The following TACC2 variants were observed in gnomAD, a reference collection of about 807,000 sequenced individuals.
TACC2 encodes the protein transforming acidic coiled-coil-containing protein 2.
A neutral mutation model predicts 227.3 loss-of-function variants in TACC2; 137 were observed. That is an observed-to-expected ratio of 0.60 (90% CI 0.52 to 0.69). The LOEUF is 0.69. Among genes scored for constraint, TACC2 ranks in the 30% least tolerant of loss-of-function variants. The pLI, the probability that TACC2 is intolerant of heterozygous loss-of-function variation, is 0.00. For missense variants in TACC2, 3,470 were observed against 3,694.4 expected (o/e 0.94, Z 1.57); for synonymous variants, 1,523 against 1,487.5 (o/e 1.02, Z -0.55).
intron 3 of TACC2, among the ~76,000 whole-genome samples, chr10:122,070,614 G>C (rs536738910): frequency 6.6e-6 from 1 of 152,088 alleles, no homozygotes; most frequent in African/African-American, 2.4e-5. Context: ...TTAGCTGGGC[G>C]TGTTGGCACA....
In TACC2 at chr10:122,058,343, C is replaced by T. The variant is rs559044015; in HGVS notation, c.146+7793C>T. On this transcript the variant is annotated intron_variant, in intron 3 of 22. Transcript: ENST00000369005. ...TGCTTCCGGCTTCCGCTGCAAAGCG[C>T]GGAAGCGCTTCTGTCACTTCCCAGC... 5.9e-5 allele frequency among the ~76,000 whole-genome samples: 9 copies of T among 152,242 alleles called. No individual in the cohort carries two copies. The South Asian group carries it at 1.0e-3, about 18-fold the overall frequency.
intron 5 of TACC2, among the ~76,000 whole-genome samples, chr10:122,130,936 G>A (rs1343204697): frequency 6.6e-6 from 1 of 152,116 alleles, no homozygotes; most frequent in Non-Finnish European, 1.5e-5. Context: ...TGGGCCAAGA[G>A]TTCTCAGTTT....
chr10:122,163,656 G>C (rs1256598678), intron 7 of TACC2: 1 of 950,676 alleles, frequency 1.1e-6, no homozygotes, highest in East Asian at 7.9e-5. Context: ...GCACGCCCCG[G>C]GCAGAGCCGC....
intron 2 of TACC2, among the ~76,000 whole-genome samples, chr10:122,031,474 G>A (rs999251204): frequency 5.8e-5 from 8 of 138,572 alleles, no homozygotes; most frequent in African/African-American, 1.9e-4. Flanking sequence ...GCACAATCTC[G>A]GCTCACTGCA....
intron 8 of TACC2, among the ~76,000 whole-genome samples, chr10:122,196,033 C>A (rs79914577): frequency 1.3e-5 from 2 of 152,150 alleles, no homozygotes; most frequent in Non-Finnish European, 2.9e-5. Flanking sequence ...TACCTGGGAG[C>A]GGCCACTGCC....
At chr10:122,117,414 C>T (rs952509809) in intron 5 of TACC2, among the ~76,000 whole-genome samples, 7 of 152,180 alleles carry the variant, frequency 4.6e-5, no homozygotes, top group Non-Finnish European at 7.4e-5. Context: ...AGGCTGGTCT[C>T]GAACTCCTGC....
rs1286756429 is a variant in TACC2 at position 122,034,161 on chromosome 10, A to G, written c.33+12147A>G. Among the ~76,000 whole-genome samples the G allele has an allele frequency of 3.6e-5, 5 of 137,256 alleles. 1 individual carries two copies. The East Asian group carries it at 1.1e-3, about 29-fold the overall frequency. 90.0% of individuals were successfully genotyped at this position (137,256 alleles called of 152,430 possible). A position where few individuals can be genotyped will look rare whatever the true frequency, so the allele number is the denominator to read the frequency against. ...AGTGAGACTCTGTCTCAAAAAAAAA[A>G]AAAAAAAAAAAAGAGCTGCTCTGCC... is the stretch of plus-strand genomic sequence containing the variant. On this transcript the variant is annotated intron_variant, in intron 2 of 22. Transcript: ENST00000369005.
intron 5 of TACC2, among the ~76,000 whole-genome samples, chr10:122,125,143 C>T (rs1434976915): frequency 6.6e-6 from 1 of 152,140 alleles, no homozygotes; most frequent in African/African-American, 2.4e-5. Flanking sequence ...TGTCATGCCC[C>T]CAGACTCTCC....
chr10:122,023,853 C>T (rs1383110806), intron 2 of TACC2: 1 of 147,158 alleles, frequency 6.8e-6, no homozygotes, highest in Non-Finnish European at 1.5e-5. Flanking sequence ...TGTGAGACAA[C>T]AGGGACAGGC....
intron 1 of TACC2, among the ~76,000 whole-genome samples, chr10:122,008,479 C>T (rs755960918): frequency 1.3e-4 from 19 of 151,876 alleles, no homozygotes; most frequent in Non-Finnish European, 2.4e-4. Context: ...AGGCTGGTCT[C>T]GAACTCCCGA....
At chr10:122,120,614 A>C (rs940592000) in intron 5 of TACC2, among the ~76,000 whole-genome samples, 1 of 152,114 alleles carries the variant, frequency 6.6e-6, no homozygotes, top group Admixed American at 6.5e-5. Context: ...GCTGGGATGG[A>C]GCTCAGCCTC....
At chr10:122,147,847 G>A (rs796491134) in intron 7 of TACC2, among the ~76,000 whole-genome samples, 35 of 152,226 alleles carry the variant, frequency 2.3e-4, no homozygotes, top group African/African-American at 7.5e-4. Flanking sequence ...GTGGTTTTAG[G>A]ATTGAGGCCC....
intron 5 of TACC2, among the ~76,000 whole-genome samples, chr10:122,106,974 C>G (rs1408895897): frequency 3.3e-5 from 5 of 152,240 alleles, no homozygotes; most frequent in Admixed American, 3.3e-4. Flanking sequence ...ATGACAATGT[C>G]AAGAGGCAGG....
At chr10:122,089,844 C>T (rs12242519) in intron 5 of TACC2, among the ~76,000 whole-genome samples, 8,233 of 152,284 alleles carry the variant, frequency 0.054, 251 homozygotes, top group South Asian at 0.12. Flanking sequence ...TGCCGCCTGG[C>T]AGTAGTGACT....
chr10:122,217,437 CTTTTTTTTTTTT>C (rs35233150), intron 11 of TACC2, among the ~76,000 whole-genome samples: 2 of 93,256 alleles, frequency 2.1e-5, no homozygotes, highest in Non-Finnish European at 4.1e-5. Context: ...TTTCTTTTTT[CTTTTTTTTTTTT>C]TTTTTTTTTG....
chr10:122,237,102 A>G (rs1438498504), intron 16 of TACC2, among the ~76,000 whole-genome samples: 2 of 152,208 alleles, frequency 1.3e-5, no homozygotes, highest in Admixed American at 6.5e-5. Context: ...TCAGTGAGTG[A>G]TAAATGGCAG....
intron 1 of TACC2, among the ~76,000 whole-genome samples, chr10:122,005,691 T>C (rs1197085562): frequency 7.0e-6 from 1 of 142,854 alleles, no homozygotes; most frequent in Non-Finnish European, 1.6e-5. Flanking sequence ...GCCTTTTTTT[T>C]TTTTTTCTTT....
At chr10:122,129,083 T>TCA (rs2087506718) in intron 5 of TACC2, among the ~76,000 whole-genome samples, 1 of 147,906 alleles carries the variant, frequency 6.8e-6, no homozygotes, top group Admixed American at 6.8e-5. Flanking sequence ...ATTATTATTA[T>TCA]TATTATTATT....
chr10:122,123,202 G>T, intron 5 of TACC2, among the ~76,000 whole-genome samples: 1 of 152,244 alleles, frequency 6.6e-6, no homozygotes, highest in East Asian at 1.9e-4. Flanking sequence ...ACAGGGTTTT[G>T]TGATATTGGC....
Sources: allele counts gnomAD v4.1 joint callset (sites outside exome capture counted in the v4.1 genomes callset), GRCh38; gene constraint gnomAD v4.1.1; transcripts MANE v1.5; gene names NCBI Gene and HGNC (gene_info 2026-07-23, HGNC 2026-07-21).